The following FAM3C variants were observed in gnomAD, a reference collection of about 807,000 sequenced individuals.
The protein encoded by FAM3C is protein FAM3C.
FAM3C carries 15 observed loss-of-function variants against 32.5 expected under a neutral mutation model. The ratio of observed to expected loss-of-function variants is 0.46; its 90% CI spans 0.31 to 0.71. The LOEUF (loss-of-function observed/expected upper bound fraction) is 0.71. FAM3C is among the 30% of genes least tolerant of loss of function. FAM3C has a pLI of 0.05. For missense variants in FAM3C, 175 were observed against 274.4 expected (o/e 0.64, Z 2.56); for synonymous variants, 75 against 86.1 (o/e 0.87, Z 0.72).
At position 121,364,206 on chromosome 7, in the gene FAM3C, G is replaced by C; in HGVS notation, c.273-18C>G. On this transcript the variant is annotated intron_variant, in intron 5 of 9. Coordinates refer to ENST00000359943, the MANE Select transcript of FAM3C (RefSeq NM_014888.3). ...TCATTAAACTGAAGGGGGAGAAATT[G>C]AAATAAATTTAGAATTAAATATTGT... is the stretch of plus-strand genomic sequence containing the variant. The C allele has an allele frequency of 1.3e-6, 2 of 1,505,020 alleles. No individual in the cohort carries two copies. The highest frequency in any genetic ancestry group is 1.8e-6 in the Non-Finnish European group (2 of 1,083,700). The allele number at this position is 1,505,020 out of a possible 1,614,324, so 93.2% of individuals were successfully genotyped here. A position where few individuals can be genotyped will look rare whatever the true frequency, so the allele number is the denominator to read the frequency against.
chr7:121,395,236 TAC>T (rs1794661274), intron 1 of FAM3C, among the ~76,000 whole-genome samples: 2 of 48,288 alleles, frequency 4.1e-5, no homozygotes, highest in Non-Finnish European at 8.4e-5. Context: ...TATGGATACA[TAC>T]ATACATATAT....
intron 8 of FAM3C, among the ~76,000 whole-genome samples, chr7:121,357,551 C>T (rs1793839118): frequency 6.6e-6 from 1 of 151,974 alleles, no homozygotes. Context: ...GGATGTTGTC[C>T]ATTTCAGTAT....
rs568540288 is a variant in FAM3C at position 121,382,827 on chromosome 7, G to A, written c.13+130C>T. 4.0e-4 allele frequency: 269 copies of A among 670,948 alleles called. 1 individual carries two copies. The African/African-American group carries it at 4.5e-3, about 11-fold the overall frequency. The allele number at this position is 670,948 out of a possible 1,614,324, so 41.6% of individuals were successfully genotyped here. A position where few individuals can be genotyped will look rare whatever the true frequency, so the allele number is the denominator to read the frequency against. Reference sequence around the variant, plus strand: ...ATTTGCCAACTACCTAAAAACAAAGGGCTGAATGATTTAGTTTATTTCAGT... The same window carrying A: ...ATTTGCCAACTACCTAAAAACAAAGAGCTGAATGATTTAGTTTATTTCAGT... On this transcript the variant is annotated intron_variant, in intron 2 of 9. Transcript: ENST00000359943.
intron 7 of FAM3C, among the ~76,000 whole-genome samples, chr7:121,362,113 A>G (rs1256694934): frequency 6.6e-6 from 1 of 152,128 alleles, no homozygotes; most frequent in Non-Finnish European, 1.5e-5. Context: ...TGCAGGGGAG[A>G]TCCTCATACT....
intron 8 of FAM3C, among the ~76,000 whole-genome samples, chr7:121,355,375 G>A (rs1009507540): frequency 6.6e-6 from 1 of 152,084 alleles, no homozygotes; most frequent in African/African-American, 2.4e-5. Context: ...CATTATCCCT[G>A]TTTTCAAAAA....
intron 1 of FAM3C, among the ~76,000 whole-genome samples, chr7:121,384,873 T>C (rs1794435773): frequency 6.6e-6 from 1 of 152,214 alleles, no homozygotes; most frequent in South Asian, 2.1e-4. Context: ...GTATTGAATA[T>C]ATTTGAGAGC....
intron 1 of FAM3C, among the ~76,000 whole-genome samples, chr7:121,390,869 G>C (rs1418101575): frequency 1.1e-4 from 4 of 37,100 alleles, no homozygotes; most frequent in African/African-American, 2.4e-4. Flanking sequence ...GGGGGGGGGG[G>C]GGGAAGGTAA....
chr7:121,392,125 G>C (rs1794588866), intron 1 of FAM3C, among the ~76,000 whole-genome samples: 1 of 152,174 alleles, frequency 6.6e-6, no homozygotes, highest in African/African-American at 2.4e-5. Flanking sequence ...TCCCAGATCT[G>C]GTTTGGAGCT....
At chr7:121,361,510 A>G (rs373461273) in intron 7 of FAM3C, among the ~76,000 whole-genome samples, 282 of 152,346 alleles carry the variant, frequency 1.9e-3, no homozygotes, top group Middle Eastern at 6.8e-3. Context: ...TCCTGGTCAC[A>G]TGACTGATTT....
At chr7:121,380,478 G>T (rs1490543079) in intron 2 of FAM3C, among the ~76,000 whole-genome samples, 1 of 151,828 alleles carries the variant, frequency 6.6e-6, no homozygotes, top group Non-Finnish European at 1.5e-5. Flanking sequence ...TCATTCATAA[G>T]CAAAAGCTAA....
chr7:121,395,959 G>A (rs1288981724), intron 1 of FAM3C, among the ~76,000 whole-genome samples: 1 of 151,334 alleles, frequency 6.6e-6, no homozygotes, highest in East Asian at 2.0e-4. Context: ...CCCGGCCAGC[G>A]GCTCTCCGGG....
intron 1 of FAM3C, among the ~76,000 whole-genome samples, chr7:121,390,695 G>A (rs938454458): frequency 7.2e-5 from 11 of 151,820 alleles, no homozygotes; most frequent in Non-Finnish European, 1.5e-4. Flanking sequence ...GCAAACTCCT[G>A]AGCCAACTGC....
intron 8 of FAM3C, among the ~76,000 whole-genome samples, chr7:121,359,259 G>A (rs965728992): frequency 6.6e-6 from 1 of 151,960 alleles, no homozygotes; most frequent in Non-Finnish European, 1.5e-5. Flanking sequence ...AGTCTATTGT[G>A]CTAAGTATGC....
At position 121,350,093 on chromosome 7, in the gene FAM3C, A is replaced by C. The variant is rs190325175; in HGVS notation, c.*368T>G. ...TAAAAGAAAATAAAGTATCCACCCTAAAATCCCTATTATTCCATGATATTT... is the reference window on the plus strand; with the variant it reads ...TAAAAGAAAATAAAGTATCCACCCTCAAATCCCTATTATTCCATGATATTT... On this transcript the variant is annotated 3_prime_UTR_variant, in exon 10 of 10. Coordinates refer to ENST00000359943, the MANE Select transcript of FAM3C (RefSeq NM_014888.3). 765 of 196,978 alleles carry C rather than the reference A, an allele frequency of 3.9e-3. 41 individuals are homozygous for C. The highest frequency in any genetic ancestry group is 0.013 in the South Asian group (168 of 13,138). The allele number at this position is 196,978 out of a possible 1,614,324, so 12.2% of individuals were successfully genotyped here. A position where few individuals can be genotyped will look rare whatever the true frequency, so the allele number is the denominator to read the frequency against.
intron 3 of FAM3C, among the ~76,000 whole-genome samples, chr7:121,376,646 A>C (rs748560563): frequency 1.1e-4 from 17 of 152,172 alleles, no homozygotes; most frequent in Middle Eastern, 3.2e-3. Flanking sequence ...AAAAAGTTTC[A>C]GATTTTGGAG....
At chr7:121,365,637 A>G (rs1794009279) in intron 5 of FAM3C, among the ~76,000 whole-genome samples, 1 of 151,818 alleles carries the variant, frequency 6.6e-6, no homozygotes, top group African/African-American at 2.4e-5. Flanking sequence ...GAAAACAAAT[A>G]ATAAAATAGA....
At chr7:121,394,090 A>G (rs915010557) in intron 1 of FAM3C, among the ~76,000 whole-genome samples, 2 of 152,248 alleles carry the variant, frequency 1.3e-5, no homozygotes, top group Admixed American at 6.5e-5. Context: ...TAGCTTTGTG[A>G]GTGCCCAGGC....
chr7:121,355,857 T>A (rs1793797675), intron 8 of FAM3C, among the ~76,000 whole-genome samples: 1 of 152,132 alleles, frequency 6.6e-6, no homozygotes, highest in South Asian at 2.1e-4. Context: ...AAGCATGACT[T>A]TGAAGAGAGT....
chr7:121,382,874 T>C (rs1006805297), intron 2 of FAM3C, 83 bp downstream of exon 2: 2 of 1,030,860 alleles, frequency 1.9e-6, no homozygotes, highest in African/African-American at 3.3e-5. Flanking sequence ...AATATAAAGA[T>C]TATTTAACCT....
Sources: gnomAD v4.1 joint callset for allele counts (sites outside exome capture counted in the v4.1 genomes callset) on GRCh38, gnomAD v4.1.1 for gene constraint, MANE v1.5 for transcripts, NCBI Gene and HGNC (gene_info 2026-07-23, HGNC 2026-07-21) for gene names.